Variants in SPTBN4 observed in about 807,000 individuals in gnomAD.
The protein encoded by SPTBN4 is spectrin beta, non-erythrocytic 4, also known as spectrin beta chain, non-erythrocytic 4.
A neutral mutation model predicts 277.8 loss-of-function variants in SPTBN4; 96 were observed. The ratio of observed to expected loss-of-function variants is 0.35; its 90% CI spans 0.29 to 0.41. The LOEUF is 0.41. Among genes scored for constraint, SPTBN4 ranks in the 10% least tolerant of loss-of-function variants. SPTBN4 has a pLI of 1.00. For missense variants in SPTBN4, 3,006 were observed against 3,595.7 expected (o/e 0.84, Z 4.19); for synonymous variants, 1,481 against 1,580.3 (o/e 0.94, Z 1.49).
intron 20 of SPTBN4, among the ~76,000 whole-genome samples, chr19:40,537,138 T>G (rs530426950): frequency 1.1e-4 from 16 of 152,056 alleles, no homozygotes; most frequent in Admixed American, 3.3e-4. Flanking sequence ...GTCTCTGGAG[T>G]AGCTGGGATT....
chr19:40,483,442 TA>T lies in SPTBN4; in HGVS notation c.170-4247del, dbSNP rs200136187. 4.6e-5 allele frequency among the ~76,000 whole-genome samples: 7 copies of T among 152,148 alleles called. No individual in the cohort carries two copies. The East Asian group carries it at 7.7e-4, about 17-fold the overall frequency. Reference sequence around the variant, plus strand: ...CACTAAAATTAAAAATACAATTTTTTAAAAAAAATATTGCTTCTTACTCTAG... The same window carrying T: ...CACTAAAATTAAAAATACAATTTTTTAAAAAAATATTGCTTCTTACTCTAG... On this transcript the variant is annotated intron_variant, in intron 2 of 35. Transcript: ENST00000598249.
At chr19:40,497,027 C>G (rs954375752) in intron 6 of SPTBN4, among the ~76,000 whole-genome samples, 8 of 146,318 alleles carry the variant, frequency 5.5e-5, no homozygotes, top group African/African-American at 1.5e-4. Context: ...GAGCTGGGAT[C>G]GCGCCCCTGC....
chr19:40,490,330 C>T lies in SPTBN4; in HGVS notation c.495+82C>T. 3 of 1,473,622 alleles carry T rather than the reference C, an allele frequency of 2.0e-6. No individual in the cohort carries two copies. The highest frequency in any genetic ancestry group is 2.7e-6 in the Non-Finnish European group (3 of 1,094,696). 91.3% of individuals were successfully genotyped at this position (1,473,622 alleles called of 1,614,324 possible). ...CCCACCATTTACCCATTCATTCTTT[C>T]CTTCCAATAATATCCTAATATGCTG... On this transcript the variant is annotated intron_variant, in intron 4 of 35. Transcript: ENST00000598249. The surrounding 1 kb of genome is among the most constrained non-coding windows in gnomAD (Gnocchi z 4.3).
At chr19:40,484,911 G>A (rs2080053108) in intron 2 of SPTBN4, among the ~76,000 whole-genome samples, 2 of 150,636 alleles carry the variant, frequency 1.3e-5, no homozygotes, top group Non-Finnish European at 3.0e-5. Context: ...CAGCCTGGGC[G>A]ATAGAGTGAG....
In SPTBN4 at chr19:40,570,622, G is replaced by A; in HGVS notation, c.7213G>A (p.Gly2405Ser). Residue 2405 changes from glycine to serine, a missense_variant, in exon 33 of 36, where the codon GGC becomes AGC. Physicochemically the swap from Gly to Ser is moderately conservative, Grantham distance 56. Transcript: ENST00000598249. ...SRRSRSAPAQGGSAPAPPPPP... is the reference protein window; with the variant it reads ...SRRSRSAPAQSGSAPAPPPPP... ...GCGCTCGCGCTCCGCCCCGGCCCAG[G>A]GCGGCTCCGCCCCCGCGCCTCCGCC... is the stretch of plus-strand genomic sequence containing the variant. The A allele has an allele frequency of 6.8e-6, 10 of 1,474,342 alleles. No homozygotes were observed. Among genetic ancestry groups the A allele is most frequent in the Non-Finnish European group, 9.0e-6 (10 of 1,112,334 alleles). The allele number at this position is 1,474,342 out of a possible 1,614,324, so 91.3% of individuals were successfully genotyped here.
chr19:40,516,910 A>G (rs925714109), intron 15 of SPTBN4, among the ~76,000 whole-genome samples: 2 of 152,220 alleles, frequency 1.3e-5, no homozygotes, highest in Non-Finnish European at 2.9e-5. Flanking sequence ...TTACAGTGTA[A>G]GCTACTGCTC....
chr19:40,470,290 T>A (rs2079870165), intron 1 of SPTBN4, among the ~76,000 whole-genome samples: 1 of 152,104 alleles, frequency 6.6e-6, no homozygotes, highest in Non-Finnish European at 1.5e-5. Context: ...TGAGCCACCG[T>A]GCCCGGCCTA....
At chr19:40,513,653 G>C in intron 14 of SPTBN4, 99 bp downstream of exon 14, 14 of 1,237,134 alleles carry the variant, frequency 1.1e-5, no homozygotes, top group Non-Finnish European at 1.4e-5. Flanking sequence ...GCTGGAACTA[G>C]GAGTTCCAAT....
intron 22 of SPTBN4, among the ~76,000 whole-genome samples, chr19:40,552,564 G>A (rs2080930860): frequency 1.3e-5 from 2 of 151,254 alleles, no homozygotes; most frequent in South Asian, 4.2e-4. Flanking sequence ...ATAACCCTAT[G>A]AGGTAGATAT....
rs1203403043 is a variant in SPTBN4 at position 40,519,104 on chromosome 19, G to A, written c.2904-297G>A. On this transcript the variant is annotated intron_variant, in intron 15 of 35. Transcript: ENST00000598249. The surrounding 1 kb of genome is among the most constrained non-coding windows in gnomAD (Gnocchi z 5.7). Reference sequence around the variant, plus strand: ...GCTTCTGCTCTCAGTCTCTCCTGCCGCCTCTGGAAAACTCCACTGAACACT... The same window carrying A: ...GCTTCTGCTCTCAGTCTCTCCTGCCACCTCTGGAAAACTCCACTGAACACT... Among the ~76,000 whole-genome samples the A allele has an allele frequency of 2.0e-5, 3 of 152,100 alleles. No homozygotes were observed. The highest frequency in any genetic ancestry group is 1.3e-4 in the Admixed American group (2 of 15,260).
At chr19:40,567,603 T>C in intron 30 of SPTBN4, 60 bp from the exon 31 acceptor site, 179 of 980,490 alleles carry the variant, frequency 1.8e-4, no homozygotes, top group Non-Finnish European at 2.2e-4. Context: ...TCCCCGGACC[T>C]CCCCCTTACC....
At chr19:40,522,514 G>A (rs367910388) in intron 16 of SPTBN4, among the ~76,000 whole-genome samples, 84 of 150,034 alleles carry the variant, frequency 5.6e-4, no homozygotes, top group Middle Eastern at 3.5e-3. Context: ...CACTACACCC[G>A]GCTAATATTT....
At chr19:40,501,469 GACC>G (rs1422499252) in intron 7 of SPTBN4, among the ~76,000 whole-genome samples, 1 of 151,806 alleles carries the variant, frequency 6.6e-6, no homozygotes, top group Non-Finnish European at 1.5e-5. Flanking sequence ...AGCAGTTCGA[GACC>G]AGCCTGACCA....
intron 15 of SPTBN4, among the ~76,000 whole-genome samples, chr19:40,516,172 A>C (rs1486603116): frequency 6.7e-6 from 1 of 148,770 alleles, no homozygotes; most frequent in Non-Finnish European, 1.5e-5. Context: ...CAGGAGGTAG[A>C]GATTGCAGTG....
At chr19:40,524,446 G>GCAATGAACT (rs2080566104) in intron 17 of SPTBN4, 1 of 326,428 alleles carries the variant, frequency 3.1e-6, no homozygotes. Flanking sequence ...GATTGAGGCA[G>GCAATGAACT]CAATGAACTG....
At position 40,469,653 on chromosome 19, in the gene SPTBN4, G is replaced by GT. The variant is rs1414619602; in HGVS notation, c.-16+2356dup. On this transcript the variant is annotated intron_variant, in intron 1 of 35. Coordinates refer to ENST00000598249, the MANE Select transcript of SPTBN4 (RefSeq NM_020971.3). ...CTTTAAATTTCTTCTCTTTTTTTTT[G>GT]TTTTTTTTGAGATGGAGTCTCACTC... Among the ~76,000 whole-genome samples the GT allele has an allele frequency of 2.2e-4, 33 of 148,926 alleles. 1 individual carries two copies. The highest frequency in any genetic ancestry group is 6.9e-3 in the Middle Eastern group (2 of 288).
At chr19:40,558,177 A>G (rs762176210) in intron 26 of SPTBN4, among the ~76,000 whole-genome samples, 83 of 151,492 alleles carry the variant, frequency 5.5e-4, no homozygotes, top group Admixed American at 1.1e-3. Flanking sequence ...GACCAACATG[A>G]TGAAACCCCG....
intron 12 of SPTBN4, among the ~76,000 whole-genome samples, chr19:40,505,172 C>T (rs2080310949): frequency 7.2e-6 from 1 of 138,034 alleles, no homozygotes; most frequent in African/African-American, 2.7e-5. Flanking sequence ...ATTGCTTGAG[C>T]CCCAGAGTTT....
intron 3 of SPTBN4, among the ~76,000 whole-genome samples, chr19:40,489,228 A>AAAG (rs1555810979): frequency 9.2e-5 from 13 of 141,670 alleles, no homozygotes; most frequent in African/African-American, 3.6e-4. Context: ...AAAAAAAAAA[A>AAAG]AAAGAAAGAA....
Sources: gnomAD v4.1 joint callset for allele counts (sites outside exome capture counted in the v4.1 genomes callset) on GRCh38, gnomAD v4.1.1 for gene constraint, Gnocchi (gnomAD v3.1) non-coding constraint, MANE v1.5 for transcripts, NCBI Gene and HGNC (gene_info 2026-07-23, HGNC 2026-07-21) for gene names.